The following ASIC2 variants were observed in gnomAD, a reference collection of about 807,000 sequenced individuals.
The protein encoded by ASIC2 is acid-sensing ion channel 2.
A neutral mutation model predicts 57.3 loss-of-function variants in ASIC2; 25 were observed. The observed-to-expected ratio is 0.44, with a 90% CI of 0.32 to 0.61. The LOEUF is 0.61. Among genes scored for constraint, ASIC2 ranks in the 20% least tolerant of loss-of-function variants. The probability of loss-of-function intolerance (pLI) is 0.06; values close to 1 mark genes in which losing one functional copy is unlikely to be tolerated. For synonymous variants in ASIC2, 319 were observed against 307.5 expected (o/e 1.04, Z -0.39); for missense variants, 641 against 738.1 (o/e 0.87, Z 1.52).
At position 33,095,631 on chromosome 17, in the gene ASIC2, C is replaced by T. The variant is rs548905577; in HGVS notation, c.860-6641G>A. ...TGGCCAAGCTGGGTTCACATGAAAC[C>T]TGCTGAGCCAGCTCAGAACCCCTGC... On this transcript the variant is annotated intron_variant, in intron 2 of 9. Transcript: ENST00000225823. Among the ~76,000 whole-genome samples, 37 of 152,312 alleles carry T rather than the reference C, an allele frequency of 2.4e-4. No individual in the cohort carries two copies. The South Asian group carries it at 7.5e-3, about 31-fold the overall frequency.
At chr17:33,575,997 G>C (rs1003717547) in intron 1 of ASIC2, among the ~76,000 whole-genome samples, 1 of 152,136 alleles carries the variant, frequency 6.6e-6, no homozygotes, top group African/African-American at 2.4e-5. Context: ...TATTTATAGC[G>C]ATCCAATGCA....
chr17:33,069,137 G>A (rs1196894833), intron 3 of ASIC2, among the ~76,000 whole-genome samples: 4 of 152,032 alleles, frequency 2.6e-5, no homozygotes, highest in Non-Finnish European at 5.9e-5. Context: ...TGAATATTTG[G>A]AGATTTTCCA....
At position 33,779,906 on chromosome 17, in the gene ASIC2, A is replaced by G. The variant is rs141531806; in HGVS notation, c.555+376072T>C. Among the ~76,000 whole-genome samples the G allele has an allele frequency of 1.4e-3, 206 of 148,134 alleles. 1 individual carries two copies. The Middle Eastern group carries it at 0.021, about 15-fold the overall frequency. On this transcript the variant is annotated intron_variant, in intron 1 of 9. Transcript: ENST00000359872. ...AATCTAGAGAGTGAGTGAATTGGACATTGTCCCATACCTAGTGGGTGACAG... is the reference window on the plus strand; with the variant it reads ...AATCTAGAGAGTGAGTGAATTGGACGTTGTCCCATACCTAGTGGGTGACAG...
At chr17:33,391,302 T>A (rs1156790062) in intron 1 of ASIC2, among the ~76,000 whole-genome samples, 2 of 152,236 alleles carry the variant, frequency 1.3e-5, no homozygotes, top group Non-Finnish European at 2.9e-5. Flanking sequence ...TCCCACCTAC[T>A]GTCTTCCTGA....
intron 1 of ASIC2, among the ~76,000 whole-genome samples, chr17:33,120,416 G>A (rs901126421): frequency 3.3e-5 from 5 of 152,336 alleles, no homozygotes; most frequent in East Asian, 1.9e-4. Context: ...AAAACAACAC[G>A]AAGGGGAACA....
intron 1 of ASIC2, among the ~76,000 whole-genome samples, chr17:33,231,917 A>C (rs566943841): frequency 6.6e-6 from 1 of 152,232 alleles, no homozygotes; most frequent in African/African-American, 2.4e-5. Flanking sequence ...TTCATTCATT[A>C]CTTTTCTTTT....
intron 1 of ASIC2, among the ~76,000 whole-genome samples, chr17:33,222,449 G>A (rs1194219308): frequency 6.6e-6 from 1 of 152,214 alleles, no homozygotes; most frequent in African/African-American, 2.4e-5. Flanking sequence ...ATGAGCATGG[G>A]TTTATTTAGC....
At chr17:34,070,442 A>G (rs1368235691) in intron 1 of ASIC2, 3 of 152,184 alleles carry the variant, frequency 2.0e-5, no homozygotes, top group Non-Finnish European at 2.9e-5. Context: ...CTAGAAACTC[A>G]GAGGAGGTTA....
intron 1 of ASIC2, among the ~76,000 whole-genome samples, chr17:33,849,644 T>A (rs931096882): frequency 2.0e-5 from 3 of 152,058 alleles, no homozygotes; most frequent in African/African-American, 7.2e-5. Flanking sequence ...GGAAGGGTGA[T>A]TAAGAGTTAA....
At chr17:33,213,004 C>A (rs1907337339) in intron 1 of ASIC2, among the ~76,000 whole-genome samples, 1 of 152,186 alleles carries the variant, frequency 6.6e-6, no homozygotes, top group Non-Finnish European at 1.5e-5. Flanking sequence ...ATTTTTATAT[C>A]TATGTGCTAA....
At chr17:33,826,443 C>A (rs1294881834) in intron 1 of ASIC2, among the ~76,000 whole-genome samples, 4 of 152,202 alleles carry the variant, frequency 2.6e-5, no homozygotes, top group Admixed American at 2.6e-4. Flanking sequence ...CAACCATATG[C>A]GAGGTCCCGT....
chr17:33,265,674 TTAAA>T (rs542619230), intron 1 of ASIC2, among the ~76,000 whole-genome samples: 18 of 152,090 alleles, frequency 1.2e-4, no homozygotes, highest in Non-Finnish European at 2.5e-4. Context: ...TAAAATAAAA[TTAAA>T]TGAAAGAAAA....
At chr17:33,864,162 C>G (rs544416537) in intron 1 of ASIC2, among the ~76,000 whole-genome samples, 3 of 152,260 alleles carry the variant, frequency 2.0e-5, no homozygotes, top group Non-Finnish European at 4.4e-5. Context: ...TTCGGCCCCC[C>G]ACCCAAAGTG....
At chr17:33,837,950 A>T (rs1913322865) in intron 1 of ASIC2, among the ~76,000 whole-genome samples, 1 of 152,148 alleles carries the variant, frequency 6.6e-6, no homozygotes, top group Non-Finnish European at 1.5e-5. Flanking sequence ...AGCCTCCAAG[A>T]AAACCATTTG....
At chr17:34,108,063 A>G (rs909778074) in intron 1 of ASIC2, among the ~76,000 whole-genome samples, 1 of 152,096 alleles carries the variant, frequency 6.6e-6, no homozygotes, top group Non-Finnish European at 1.5e-5. Flanking sequence ...TTTCTTACAC[A>G]TGCTCATTTG....
At chr17:33,865,202 C>T (rs904628377) in intron 1 of ASIC2, among the ~76,000 whole-genome samples, 19 of 152,226 alleles carry the variant, frequency 1.2e-4, no homozygotes, top group South Asian at 4.2e-4. Flanking sequence ...CAACACCAGG[C>T]GATGGTCAGT....
At chr17:33,815,216 C>T (rs1017060517) in intron 1 of ASIC2, among the ~76,000 whole-genome samples, 9 of 152,198 alleles carry the variant, frequency 5.9e-5, no homozygotes, top group African/African-American at 2.2e-4. Context: ...GCCCTGCCAC[C>T]TCACATAGGC....
chr17:33,226,564 C>T (rs553722228), intron 1 of ASIC2, among the ~76,000 whole-genome samples: 4 of 152,188 alleles, frequency 2.6e-5, no homozygotes, highest in African/African-American at 4.8e-5. Context: ...CCCCCAGTCA[C>T]TCTCGTCATT....
In ASIC2 at chr17:33,303,479, A is replaced by C. The variant is rs141810558; in HGVS notation, c.556-191412T>G. On this transcript the variant is annotated intron_variant, in intron 1 of 9. Transcript: ENST00000359872. ...TAAGTAAATTGCAGAAGGCCACACA[A>C]AAACATTTCCTCTTTCAACATCGAA... Among the ~76,000 whole-genome samples, 8 of 152,300 alleles carry C rather than the reference A, an allele frequency of 5.3e-5. No homozygotes were observed. In the East Asian group the frequency reaches 1.4e-3, roughly 26 times the overall value.
Sources: gnomAD v4.1 joint callset for allele counts (sites outside exome capture counted in the v4.1 genomes callset) on GRCh38, gnomAD v4.1.1 for gene constraint, MANE v1.5 for transcripts, NCBI Gene and HGNC (gene_info 2026-07-23, HGNC 2026-07-21) for gene names.